ZC2HC1B: variants seen among roughly 807,000 people sequenced by gnomAD.
ZC2HC1B encodes zinc finger C2HC domain-containing protein 1B.
A neutral mutation model predicts 31.0 loss-of-function variants in ZC2HC1B; 36 were observed. The ratio of observed to expected loss-of-function variants is 1.16; its 90% CI spans 0.89 to 1.54. The LOEUF (loss-of-function observed/expected upper bound fraction) is 1.54. Among genes scored for constraint, ZC2HC1B ranks in the 40% most tolerant of loss-of-function variants. ZC2HC1B has a pLI of 0.00. For missense variants in ZC2HC1B, 260 were observed against 268.6 expected, an observed-to-expected ratio of 0.97 and a Z score of 0.22; for synonymous variants, 73 against 88.0, an observed-to-expected ratio of 0.83 and a Z score of 0.95.
intron 6 of ZC2HC1B, among the ~76,000 whole-genome samples, chr6:143,914,454 T>C (rs1463195242): frequency 2.0e-5 from 3 of 152,240 alleles, no homozygotes; most frequent in African/African-American, 7.2e-5. Context: ...ATATATGTCT[T>C]TTTAAATTTA....
intron 5 of ZC2HC1B, among the ~76,000 whole-genome samples, chr6:143,900,059 A>G (rs1262592587): frequency 6.6e-6 from 1 of 152,136 alleles, no homozygotes; most frequent in Non-Finnish European, 1.5e-5. Flanking sequence ...GGCCTGAGGC[A>G]CCCATCTGGG....
At chr6:143,898,974 C>G (rs937670778) in intron 5 of ZC2HC1B, among the ~76,000 whole-genome samples, 5 of 152,212 alleles carry the variant, frequency 3.3e-5, no homozygotes, top group African/African-American at 9.6e-5. Context: ...TGGCAAAACT[C>G]TTTATCCAAC....
chr6:143,927,102 T>C (rs1407203559), intron 6 of ZC2HC1B, among the ~76,000 whole-genome samples: 1 of 151,864 alleles, frequency 6.6e-6, no homozygotes, highest in African/African-American at 2.4e-5. Context: ...CCGGCCCGAA[T>C]TGTATCTTCT....
intron 1 of ZC2HC1B, among the ~76,000 whole-genome samples, chr6:143,879,902 G>A (rs1480460046): frequency 3.8e-5 from 5 of 131,796 alleles, no homozygotes; most frequent in Non-Finnish European, 7.6e-5. Flanking sequence ...ATGGCTCACT[G>A]CAACCTCAGC....
chr6:143,884,993 A>G lies in ZC2HC1B; in HGVS notation c.90+628A>G, dbSNP rs1335372795. On this transcript the variant is annotated intron_variant, in intron 2 of 7. Transcript: ENST00000237275. This position sits in a 1 kb window ranked among gnomAD's most constrained non-coding sequence, Gnocchi z 5.1. ...TGATTTATTTCAAAATTAGGGAATCAAATAGATGGTATGCCCCAATATTAT... is the reference window on the plus strand; with the variant it reads ...TGATTTATTTCAAAATTAGGGAATCGAATAGATGGTATGCCCCAATATTAT... Among the ~76,000 whole-genome samples the G allele has an allele frequency of 6.6e-6, 1 of 152,200 alleles. No homozygotes were observed. The highest frequency in any genetic ancestry group is 2.4e-5 in the African/African-American group (1 of 41,454).
chr6:143,893,443 C>T (rs572680851), intron 4 of ZC2HC1B, among the ~76,000 whole-genome samples: 87 of 152,142 alleles, frequency 5.7e-4, no homozygotes, highest in Middle Eastern at 6.8e-3. Context: ...TGGCTCACTC[C>T]TGTAATCCCA....
intron 6 of ZC2HC1B, among the ~76,000 whole-genome samples, chr6:143,906,244 C>T (rs999424534): frequency 6.6e-6 from 1 of 152,064 alleles, no homozygotes; most frequent in African/African-American, 2.4e-5. Context: ...TCTATTCGTT[C>T]ATGATTTACT....
At position 143,898,558 on chromosome 6, in the gene ZC2HC1B, T is replaced by C. The variant is rs1313542862; in HGVS notation, c.356T>C (p.Ile119Thr). 3.2e-6 allele frequency: 5 copies of C among 1,551,572 alleles called. No homozygotes were observed. In the East Asian group the frequency reaches 1.2e-4, roughly 38 times the overall value. The change falls in exon 5 of 8, where the codon ATT becomes ACT. Residue 119 changes from isoleucine (I) to threonine (T), a missense_variant. Ile to Thr is a moderately conservative substitution (Grantham distance 89). Coordinates refer to ENST00000237275, the MANE Select transcript of ZC2HC1B (RefSeq NM_001013623.3). ...PPPPSLNPDYIQRPYCMRRFN... is the reference protein window; with the variant it reads ...PPPPSLNPDYTQRPYCMRRFN... ...TTGTTATCTTTACATTCAGATTATA[T>C]TCAACGTCCATATTGTATGAGAAGG...
chr6:143,877,243 A>T, intron 1 of ZC2HC1B, among the ~76,000 whole-genome samples: 2 of 93,502 alleles, frequency 2.1e-5, no homozygotes, highest in Admixed American at 1.0e-4. Context: ...CTCTCTGTTG[A>T]GTTTTTCTCC....
At chr6:143,932,544 C>T (rs1472619935) in intron 6 of ZC2HC1B, among the ~76,000 whole-genome samples, 1 of 152,160 alleles carries the variant, frequency 6.6e-6, no homozygotes, top group Non-Finnish European at 1.5e-5. Context: ...TTCTCTGAAG[C>T]ATTTTTCCTC....
At chr6:143,879,027 G>T (rs971339031) in intron 1 of ZC2HC1B, among the ~76,000 whole-genome samples, 1 of 152,148 alleles carries the variant, frequency 6.6e-6, no homozygotes, top group Non-Finnish European at 1.5e-5. Flanking sequence ...GGGGTTGGGG[G>T]CAGGGCGCGA....
rs1369560498 is a variant in ZC2HC1B at position 143,884,823 on chromosome 6, G to T, written c.90+458G>T. 1.3e-5 allele frequency among the ~76,000 whole-genome samples: 2 copies of T among 152,110 alleles called. No individual in the cohort carries two copies. Among genetic ancestry groups the T allele is most frequent in the African/African-American group, 4.8e-5 (2 of 41,416 alleles). On this transcript the variant is annotated intron_variant, in intron 2 of 7. Coordinates refer to ENST00000237275, the MANE Select transcript of ZC2HC1B (RefSeq NM_001013623.3). This position sits in a 1 kb window ranked among gnomAD's most constrained non-coding sequence, Gnocchi z 5.1. ...TGTTTTCTGCTTTGCCACGTATACAGAACCTTCAAATTTGAGGGTTTTTAT... is the reference window on the plus strand; with the variant it reads ...TGTTTTCTGCTTTGCCACGTATACATAACCTTCAAATTTGAGGGTTTTTAT...
chr6:143,935,123 G>A (rs76360040), intron 6 of ZC2HC1B, among the ~76,000 whole-genome samples: 2 of 106,566 alleles, frequency 1.9e-5, no homozygotes, highest in East Asian at 3.0e-4. Flanking sequence ...GTATGTGGAC[G>A]CTGCAGATGC....
intron 1 of ZC2HC1B, among the ~76,000 whole-genome samples, chr6:143,879,347 A>G (rs913325743): frequency 1.3e-4 from 20 of 152,258 alleles, no homozygotes; most frequent in African/African-American, 4.1e-4. Flanking sequence ...TCACTTTACT[A>G]TAGCTTTATT....
intron 4 of ZC2HC1B, among the ~76,000 whole-genome samples, chr6:143,893,226 T>C (rs1476897969): frequency 6.6e-6 from 1 of 151,986 alleles, no homozygotes; most frequent in African/African-American, 2.4e-5. Context: ...ATTAGGAAAA[T>C]GCAAATTAAA....
rs994378836 is a variant in ZC2HC1B, at chr6:143,895,472, G to A, written c.350-3080G>A. ...GCCACTGCACCCGGCCAGTACTAAA[G>A]AATTTATATACATATAACTAGAGTT... On this transcript the variant is annotated intron_variant, in intron 4 of 7. Transcript: ENST00000237275. This position sits in a 1 kb window ranked among gnomAD's most constrained non-coding sequence, Gnocchi z 4.8. 6.6e-6 allele frequency among the ~76,000 whole-genome samples: 1 copy of A among 152,124 alleles called. No individual in the cohort carries two copies. The highest frequency in any genetic ancestry group is 2.4e-5 in the African/African-American group (1 of 41,422).
In ZC2HC1B at chr6:143,884,301, C is replaced by G; in HGVS notation, c.29-3C>G. 1 of 1,528,864 alleles carries G rather than the reference C, an allele frequency of 6.5e-7. No homozygotes were observed. The allele number at this position is 1,528,864 out of a possible 1,614,324, so 94.7% of individuals were successfully genotyped here. A position where few individuals can be genotyped will look rare whatever the true frequency, so the allele number is the denominator to read the frequency against. ...ACATAATGTGCTCTTGAATTTTACACAGATGGCAATCAGGAATTGTTTCCC... is the reference window on the plus strand; with the variant it reads ...ACATAATGTGCTCTTGAATTTTACAGAGATGGCAATCAGGAATTGTTTCCC... On this transcript the variant is annotated splice_region_variant and splice_polypyrimidine_tract_variant and intron_variant, in intron 1 of 7. Transcript: ENST00000237275. This position sits in a 1 kb window ranked among gnomAD's most constrained non-coding sequence, Gnocchi z 5.1.
chr6:143,921,010 A>G lies in ZC2HC1B; in HGVS notation c.599-16639A>G, dbSNP rs143161324. 1.7e-4 allele frequency among the ~76,000 whole-genome samples: 26 copies of G among 152,078 alleles called. No homozygotes were observed. The highest frequency in any genetic ancestry group is 6.3e-4 in the African/African-American group (26 of 41,458). ...AAAAAAACCGAATCCCAAATGTAAT[A>G]CAATGCTGTTTCTTCTTAATCCTGC... On this transcript the variant is annotated intron_variant, in intron 6 of 7. Coordinates refer to ENST00000237275, the MANE Select transcript of ZC2HC1B (RefSeq NM_001013623.3). This position sits in a 1 kb window ranked among gnomAD's most constrained non-coding sequence, Gnocchi z 6.1.
At chr6:143,888,955 T>A (rs1440753111) in intron 4 of ZC2HC1B, among the ~76,000 whole-genome samples, 2 of 152,060 alleles carry the variant, frequency 1.3e-5, no homozygotes, top group African/African-American at 2.4e-5. Flanking sequence ...AAAGTAGACA[T>A]CCTTGTCTTG....
Sources: gnomAD v4.1 joint callset for allele counts (sites outside exome capture counted in the v4.1 genomes callset) on GRCh38, gnomAD v4.1.1 for gene constraint, Gnocchi (gnomAD v3.1) non-coding constraint, MANE v1.5 for transcripts, NCBI Gene and HGNC (gene_info 2026-07-23, HGNC 2026-07-21) for gene names.